CTTN: variants seen among roughly 807,000 people sequenced by gnomAD.
The protein encoded by CTTN is cortactin.
In CTTN, 28 loss-of-function variants were observed where a neutral mutation model predicts 84.0. The ratio of observed to expected loss-of-function variants is 0.33; its 90% confidence interval spans 0.25 to 0.46. The LOEUF is 0.46. Ranked by LOEUF, CTTN falls within the 20% of genes least tolerant of loss-of-function variation. The pLI, the probability that CTTN is intolerant of heterozygous loss-of-function variation, is 1.00. For missense variants in CTTN, 641 were observed against 723.8 expected (o/e 0.89, Z 1.31); for synonymous variants, 301 against 288.8 (o/e 1.04, Z -0.43).
chr11:70,432,364 A>G (rs1406474963), intron 15 of CTTN, among the ~76,000 whole-genome samples: 1 of 151,018 alleles, frequency 6.6e-6, no homozygotes, highest in Admixed American at 6.6e-5. Context: ...CTGCCCGATT[A>G]CTCTCCCTGG....
chr11:70,414,745 C>A, intron 6 of CTTN, 93 bp downstream of exon 6: 1 of 866,968 alleles, frequency 1.2e-6, no homozygotes, highest in Non-Finnish European at 1.9e-6. Flanking sequence ...TAGTAGCAGG[C>A]AGGTGCCCTC....
intron 14 of CTTN, among the ~76,000 whole-genome samples, chr11:70,430,704 T>C (rs893007625): frequency 6.6e-6 from 1 of 152,226 alleles, no homozygotes; most frequent in African/African-American, 2.4e-5. Flanking sequence ...GTCCATCCCA[T>C]GTGCAAACAT....
intron 13 of CTTN, 50 bp from the exon 14 acceptor site, chr11:70,429,001 C>T (rs376370184): frequency 1.2e-5 from 20 of 1,604,874 alleles, no homozygotes; most frequent in Non-Finnish European, 1.7e-5. Flanking sequence ...TGTCCAGGAG[C>T]AGTGTTTTTG....
chr11:70,419,900 G>A, intron 9 of CTTN, 44 bp downstream of exon 9: 1 of 1,444,536 alleles, frequency 6.9e-7, no homozygotes, highest in East Asian at 2.3e-5. Context: ...AGCTAGTAAT[G>A]TGACAGGTGG....
At chr11:70,419,713 C>T in intron 8 of CTTN, 33 bp from the exon 9 acceptor site, 1 of 1,561,266 alleles carries the variant, frequency 6.4e-7, no homozygotes. Flanking sequence ...TTCGTTGCTC[C>T]TTTTAAAGTA....
intron 5 of CTTN, chr11:70,410,453 G>T (rs754075365): frequency 6.2e-6 from 1 of 161,200 alleles, no homozygotes; most frequent in Admixed American, 5.8e-5. Flanking sequence ...AATTCGGCGC[G>T]TACCAGGCTG....
At chr11:70,429,239 G>A (rs1233288349) in intron 14 of CTTN, 40 bp downstream of exon 14, 2 of 1,585,330 alleles carry the variant, frequency 1.3e-6, no homozygotes, top group African/African-American at 1.3e-5. Flanking sequence ...CCCTCCCTGG[G>A]ACCTGTGCCG....
At position 70,422,793 on chromosome 11, in the gene CTTN, G is replaced by A. The variant is rs1033925532; in HGVS notation, c.902-147G>A. 139 of 1,490,564 alleles carry A rather than the reference G, an allele frequency of 9.3e-5. No individual in the cohort carries two copies. The African/African-American group carries it at 1.8e-3, about 20-fold the overall frequency. 92.3% of individuals were successfully genotyped at this position (1,490,564 alleles called of 1,614,324 possible). On this transcript the variant is annotated intron_variant, in intron 11 of 17. Transcript: ENST00000301843. Reference sequence around the variant, plus strand: ...CATGGGTGGAAGCAAAACTTGCCTTGCAAGTGAAGCCTCGCTTGGCCATTC... The same window carrying A: ...CATGGGTGGAAGCAAAACTTGCCTTACAAGTGAAGCCTCGCTTGGCCATTC...
At position 70,417,140 on chromosome 11, in the gene CTTN, G is replaced by A. The variant is rs775520998; in HGVS notation, c.568+17G>A. The A allele has an allele frequency of 1.0e-5, 16 of 1,586,444 alleles. No individual in the cohort carries two copies. Among genetic ancestry groups the A allele is most frequent in the South Asian group, 7.7e-5 (7 of 90,588 alleles). On this transcript the variant is annotated intron_variant, in intron 8 of 17. Coordinates refer to ENST00000301843, the MANE Select transcript of CTTN (RefSeq NM_005231.4). The stretch of plus-strand genomic sequence containing the variant: ...CACAGAGAGGTGGGGCGGACCCCAC[G>A]GTCTGTAATCACGCGTTTGCTCCAG...
intron 13 of CTTN, among the ~76,000 whole-genome samples, chr11:70,428,235 G>A (rs1394503219): frequency 7.1e-6 from 1 of 139,984 alleles, no homozygotes; most frequent in Non-Finnish European, 1.5e-5. Context: ...GCACAATCTC[G>A]GCTCACTGCA....
At chr11:70,414,446 G>A (rs368426245) in intron 5 of CTTN, 96 bp from the exon 6 acceptor site, 5 of 878,676 alleles carry the variant, frequency 5.7e-6, no homozygotes, top group African/African-American at 4.9e-5. Flanking sequence ...TCCCTGCACT[G>A]ACCAGGATGT....
intron 14 of CTTN, 27 bp downstream of exon 14, chr11:70,429,226 G>GCACC (rs768974748): frequency 3.8e-6 from 6 of 1,599,294 alleles, no homozygotes; most frequent in Non-Finnish European, 5.1e-6. Flanking sequence ...GGGCCGCAGC[G>GCACC]CACCCTCCCT....
Position 70,431,200 on chromosome 11 carries a change from A to G in CTTN, c.1186A>G (p.Arg396Gly). ...EARRKLEEQA[R>G]AKTQTPPVSP... ...TTGTTTTCAATCACAGGAGCAAGCC[A>G]GAGCCAAAACGCAAACGCCCCCTGT... Residue 396 changes from arginine to glycine, a missense_variant, in exon 15 of 18, where the codon AGA becomes GGA. Arg to Gly is a moderately radical substitution (Grantham distance 125, BLOSUM62 -2). Coordinates refer to ENST00000301843, the MANE Select transcript of CTTN (RefSeq NM_005231.4). The G allele has an allele frequency of 6.2e-7, 1 of 1,614,198 alleles. No homozygotes were observed. Among genetic ancestry groups the G allele is most frequent in the Non-Finnish European group, 8.5e-7 (1 of 1,180,026 alleles).
At position 70,436,143 on chromosome 11, in the gene CTTN, A is replaced by T; in HGVS notation, c.*981A>T. ...AATGGGGGTGTAGTATTTTTGCCAA[A>T]ATATCATGTTCAATTTCAGTAGTTT... On this transcript the variant is annotated 3_prime_UTR_variant, in exon 18 of 18. Coordinates refer to ENST00000301843, the MANE Select transcript of CTTN (RefSeq NM_005231.4). 5 of 1,443,184 alleles carry T rather than the reference A, an allele frequency of 3.5e-6. No individual in the cohort carries two copies. Among genetic ancestry groups the T allele is most frequent in the Non-Finnish European group, 3.6e-6 (4 of 1,104,470 alleles). 89.4% of individuals were successfully genotyped at this position (1,443,184 alleles called of 1,614,324 possible).
At chr11:70,422,897 C>T (rs764044194) in intron 11 of CTTN, 43 bp from the exon 12 acceptor site, 10 of 1,613,548 alleles carry the variant, frequency 6.2e-6, no homozygotes, top group Middle Eastern at 1.6e-4. Flanking sequence ...CCCCCATGCT[C>T]GCCTCCACCT....
chr11:70,425,877 G>T (rs559550212), intron 13 of CTTN, among the ~76,000 whole-genome samples: 8 of 152,318 alleles, frequency 5.3e-5, no homozygotes, highest in African/African-American at 1.4e-4. Context: ...CTGGACACAC[G>T]ATGGAGTCAG....
intron 8 of CTTN, 122 bp from the exon 9 acceptor site, chr11:70,419,621 GTAT>G (rs2058205038): frequency 1.4e-6 from 1 of 705,334 alleles, no homozygotes; most frequent in Non-Finnish European, 2.4e-6. Flanking sequence ...AATACTGTCT[GTAT>G]TATTCAGTGG....
In CTTN at chr11:70,435,863, G is replaced by C. The variant is rs1304085781; in HGVS notation, c.*701G>C. 6.6e-7 allele frequency: 1 copy of C among 1,509,726 alleles called. No individual in the cohort carries two copies. The highest frequency in any genetic ancestry group is 1.2e-5 in the South Asian group (1 of 80,804). 93.5% of individuals were successfully genotyped at this position (1,509,726 alleles called of 1,614,324 possible). Reference sequence around the variant, plus strand: ...GCTGCTGGGAGCCTCTCCTGTCCCCGCCGGGCAGTGTCACTGAGTCCTTGA... The same window carrying C: ...GCTGCTGGGAGCCTCTCCTGTCCCCCCCGGGCAGTGTCACTGAGTCCTTGA... On this transcript the variant is annotated 3_prime_UTR_variant, in exon 18 of 18. Coordinates refer to ENST00000301843, the MANE Select transcript of CTTN (RefSeq NM_005231.4).
chr11:70,435,466 C>A lies in CTTN; in HGVS notation c.*304C>A. Reference sequence around the variant, plus strand: ...TGCCAAATTGACTGTCACGCGGCAGCTTCAGGGAGCTCGCATTCTCTTGTG... The same window carrying A: ...TGCCAAATTGACTGTCACGCGGCAGATTCAGGGAGCTCGCATTCTCTTGTG... On this transcript the variant is annotated 3_prime_UTR_variant, in exon 18 of 18. Coordinates refer to ENST00000301843, the MANE Select transcript of CTTN (RefSeq NM_005231.4). 1 of 1,544,072 alleles carries A rather than the reference C, an allele frequency of 6.5e-7. No individual in the cohort carries two copies. The highest frequency in any genetic ancestry group is 8.7e-7 in the Non-Finnish European group (1 of 1,152,054).
Sources: allele counts gnomAD v4.1 joint callset (sites outside exome capture counted in the v4.1 genomes callset), GRCh38; gene constraint gnomAD v4.1.1; transcripts MANE v1.5; gene names NCBI Gene and HGNC (gene_info 2026-07-23, HGNC 2026-07-21).